Variants in RPTOR observed in about 807,000 individuals in gnomAD.
The protein encoded by RPTOR is regulatory-associated protein of mTOR.
A neutral mutation model predicts 169.9 loss-of-function variants in RPTOR; 21 were observed. The ratio of observed to expected loss-of-function variants is 0.12; its 90% CI spans 0.09 to 0.18. The LOEUF is 0.18. Among genes scored for constraint, RPTOR ranks in the 10% least tolerant of loss-of-function variants. The probability of loss-of-function intolerance (pLI) is 1.00; values close to 1 mark genes in which losing one functional copy is unlikely to be tolerated. For synonymous variants in RPTOR, 732 were observed against 753.2 expected, an observed-to-expected ratio of 0.97 and a Z score of 0.46; for missense variants, 1,133 against 1,855.9, an observed-to-expected ratio of 0.61 and a Z score of 7.16.
At chr17:80,660,548 C>G (rs1220752667) in intron 3 of RPTOR, among the ~76,000 whole-genome samples, 1 of 152,174 alleles carries the variant, frequency 6.6e-6, no homozygotes, top group Non-Finnish European at 1.5e-5. Context: ...AAGGAAGAGT[C>G]TGATGGTGAC....
At chr17:80,714,941 T>C (rs1458530943) in intron 4 of RPTOR, among the ~76,000 whole-genome samples, 4 of 152,216 alleles carry the variant, frequency 2.6e-5, no homozygotes, top group Non-Finnish European at 4.4e-5. Context: ...CAGGCTGGTC[T>C]GAAACCCCTG....
rs1300957938 is a variant in RPTOR at position 80,602,368 on chromosome 17, G to T, written c.163-23323G>T. 7.5e-5 allele frequency among the ~76,000 whole-genome samples: 5 copies of T among 66,380 alleles called. 1 individual carries two copies. In the South Asian group the frequency reaches 1.4e-3, roughly 19 times the overall value. The allele number at this position is 66,380 out of a possible 152,430, so 43.5% of individuals were successfully genotyped here. On this transcript the variant is annotated intron_variant, in intron 1 of 33. Transcript: ENST00000306801. ...CCGGACGGGGCGGCTGGCTGGGCAGGGGGGCTGACCCCCCCACCTCCCTCC... is the reference window on the plus strand; with the variant it reads ...CCGGACGGGGCGGCTGGCTGGGCAGTGGGGCTGACCCCCCCACCTCCCTCC...
At chr17:80,840,596 A>C (rs1368676697) in intron 10 of RPTOR, among the ~76,000 whole-genome samples, 1 of 82,682 alleles carries the variant, frequency 1.2e-5, no homozygotes, top group Non-Finnish European at 2.4e-5. Flanking sequence ...CATTCACCGC[A>C]CGGCAGCTCA....
chr17:80,712,246 G>C (rs1020259306), intron 4 of RPTOR, among the ~76,000 whole-genome samples: 3 of 152,164 alleles, frequency 2.0e-5, no homozygotes, highest in African/African-American at 7.2e-5. Context: ...TTACACTAGG[G>C]CTCACTCCTA....
chr17:80,945,315 C>T (rs1022689557), intron 25 of RPTOR, among the ~76,000 whole-genome samples: 12 of 150,934 alleles, frequency 8.0e-5, no homozygotes, highest in African/African-American at 1.9e-4. Context: ...AAAAGGGGCC[C>T]GGCGCGGTGG....
At chr17:80,851,016 A>G (rs897999471) in intron 11 of RPTOR, among the ~76,000 whole-genome samples, 4 of 152,066 alleles carry the variant, frequency 2.6e-5, no homozygotes, top group East Asian at 1.9e-4. Flanking sequence ...GCAACTTCCA[A>G]CTCCTGGGGT....
At position 80,965,753 on chromosome 17, in the gene RPTOR, G is replaced by A; in HGVS notation, c.*1423G>A. The A allele has an allele frequency of 4.3e-6, 1 of 233,382 alleles. No homozygotes were observed. The highest frequency in any genetic ancestry group is 2.2e-5 in the African/African-American group (1 of 45,472). The allele number at this position is 233,382 out of a possible 1,614,324, so 14.5% of individuals were successfully genotyped here. A position where few individuals can be genotyped will look rare whatever the true frequency, so the allele number is the denominator to read the frequency against. On this transcript the variant is annotated 3_prime_UTR_variant, in exon 34 of 34. Coordinates refer to ENST00000306801, the MANE Select transcript of RPTOR (RefSeq NM_020761.3). ...TGGCCAGAGACACACCTGGCCCTCA[G>A]GGGGCTGAGCTGGAGACTGAGCTGG... is the stretch of plus-strand genomic sequence containing the variant.
intron 13 of RPTOR, among the ~76,000 whole-genome samples, chr17:80,865,717 C>T (rs2067981868): frequency 6.6e-6 from 1 of 151,930 alleles, no homozygotes; most frequent in African/African-American, 2.4e-5. Flanking sequence ...TTGGAGGTTT[C>T]AGTGCTCCTT....
Position 80,817,588 on chromosome 17 carries a change from G to A in RPTOR, c.891-4613G>A, listed in dbSNP as rs1005243726. ...GGGTGGCACCTCATGCTGGAAGTGG[G>A]GAGCAGGCAGAGTGATGGGGCAAAT... On this transcript the variant is annotated intron_variant, in intron 7 of 33. Coordinates refer to ENST00000306801, the MANE Select transcript of RPTOR (RefSeq NM_020761.3). Among the ~76,000 whole-genome samples, 13 of 152,266 alleles carry A rather than the reference G, an allele frequency of 8.5e-5. No homozygotes were observed. In the South Asian group the frequency reaches 1.2e-3, roughly 15 times the overall value.
chr17:80,768,125 G>T (rs1005668502), intron 6 of RPTOR, among the ~76,000 whole-genome samples: 1 of 152,164 alleles, frequency 6.6e-6, no homozygotes, highest in African/African-American at 2.4e-5. Context: ...GCCTCCCAAA[G>T]TGCTGGGATT....
intron 1 of RPTOR, among the ~76,000 whole-genome samples, chr17:80,580,218 T>C (rs1301669748): frequency 9.9e-6 from 1 of 100,518 alleles, no homozygotes; most frequent in Admixed American, 1.0e-4. Context: ...ATAACTCATG[T>C]TATGATGAGA....
intron 1 of RPTOR, among the ~76,000 whole-genome samples, chr17:80,587,301 C>T (rs753605574): frequency 3.3e-5 from 5 of 152,244 alleles, no homozygotes; most frequent in Non-Finnish European, 5.9e-5. Flanking sequence ...ATCATAGTAT[C>T]TGCGCTCTTT....
intron 5 of RPTOR, among the ~76,000 whole-genome samples, chr17:80,731,528 T>A (rs2066393296): frequency 6.6e-6 from 1 of 152,184 alleles, no homozygotes; most frequent in Non-Finnish European, 1.5e-5. Context: ...TGAAGAGACA[T>A]TTTGCTTGGT....
intron 4 of RPTOR, among the ~76,000 whole-genome samples, chr17:80,712,789 T>G (rs753313092): frequency 6.6e-6 from 1 of 152,238 alleles, no homozygotes; most frequent in Non-Finnish European, 1.5e-5. Context: ...CTGCCAGCAC[T>G]GAACGAGAGT....
At chr17:80,599,343 G>T (rs547964172) in intron 1 of RPTOR, among the ~76,000 whole-genome samples, 2 of 152,092 alleles carry the variant, frequency 1.3e-5, no homozygotes, top group Non-Finnish European at 2.9e-5. Context: ...GACCTGTGGC[G>T]CCCTTTCCTA....
At chr17:80,885,531 ATGTTT>A (rs754747567) in intron 17 of RPTOR, among the ~76,000 whole-genome samples, 3 of 151,910 alleles carry the variant, frequency 2.0e-5, no homozygotes, top group Non-Finnish European at 2.9e-5. Context: ...AAACAGTTTT[ATGTTT>A]TGTTTTGTTT....
At chr17:80,611,031 G>A (rs544231502) in intron 1 of RPTOR, among the ~76,000 whole-genome samples, 21 of 152,242 alleles carry the variant, frequency 1.4e-4, no homozygotes, top group African/African-American at 5.1e-4. Context: ...GCAATAGATT[G>A]CATTTTTCCT....
rs1277813473 is a variant in RPTOR, at chr17:80,964,520, A to G, written c.*190A>G. ...TCTTCGCTGTCGTGTCTGGAATGTC[A>G]GGGAAGGGGAGGGCTCGGGTTGACG... On this transcript the variant is annotated 3_prime_UTR_variant, in exon 34 of 34. Transcript: ENST00000306801. The G allele has an allele frequency of 3.7e-5, 23 of 614,644 alleles. No homozygotes were observed. Among genetic ancestry groups the G allele is most frequent in the Non-Finnish European group, 2.9e-6 (1 of 347,164 alleles). The allele number at this position is 614,644 out of a possible 1,614,324, so 38.1% of individuals were successfully genotyped here.
In RPTOR at chr17:80,613,458, C is replaced by G. The variant is rs146712200; in HGVS notation, c.163-12233C>G. Among the ~76,000 whole-genome samples, 313 of 152,352 alleles carry G rather than the reference C, an allele frequency of 2.1e-3. 2 individuals carry two copies. The highest frequency in any genetic ancestry group is 7.3e-3 in the African/African-American group (303 of 41,580). On this transcript the variant is annotated intron_variant, in intron 1 of 33. Transcript: ENST00000306801. ...AATGAAGACGTTCAAAGTGAACATT[C>G]AGAATCTCTGTCTCTTCATACTTCT...
Sources: gnomAD v4.1 joint callset for allele counts (sites outside exome capture counted in the v4.1 genomes callset) on GRCh38, gnomAD v4.1.1 for gene constraint, MANE v1.5 for transcripts, NCBI Gene and HGNC (gene_info 2026-07-23, HGNC 2026-07-21) for gene names.